SNX6: variants seen among roughly 807,000 people sequenced by gnomAD.
The protein encoded by SNX6 is sorting nexin 6, also known as sorting nexin-6.
SNX6 carries 34 observed loss-of-function variants against 63.0 expected under a neutral mutation model. The observed-to-expected ratio is 0.54, with a 90% confidence interval of 0.41 to 0.72. SNX6 has a LOEUF of 0.72. Ranked by LOEUF, SNX6 falls within the 30% of genes least tolerant of loss-of-function variation. The pLI is 0.00. For missense variants in SNX6, 398 were observed against 471.4 expected (o/e 0.84, Z 1.44); for synonymous variants, 170 against 164.2 (o/e 1.04, Z -0.27).
At chr14:34,585,111 C>CA (rs1373601751) in intron 9 of SNX6, among the ~76,000 whole-genome samples, 1 of 152,186 alleles carries the variant, frequency 6.6e-6, no homozygotes, top group Non-Finnish European at 1.5e-5. Flanking sequence ...CTCGGCCTCT[C>CA]AAAGTGCTGA....
In SNX6 at chr14:34,629,965, G is replaced by C; in HGVS notation, c.7-11C>G. 2.0e-6 allele frequency: 3 copies of C among 1,534,248 alleles called. No homozygotes were observed. The highest frequency in any genetic ancestry group is 2.6e-6 in the Non-Finnish European group (3 of 1,142,538). The stretch of plus-strand genomic sequence containing the variant: ...GTCGTCCAGGCCTTCCTGTGGGGTC[G>C]GCGGGCACGGCGCGCCGGGGAAAAG... On this transcript the variant is annotated splice_polypyrimidine_tract_variant and intron_variant, in intron 1 of 13. Coordinates refer to ENST00000362031, the MANE Select transcript of SNX6 (RefSeq NM_152233.4).
chr14:34,623,058 A>G (rs1883686457), intron 2 of SNX6, among the ~76,000 whole-genome samples: 1 of 152,166 alleles, frequency 6.6e-6, no homozygotes, highest in African/African-American at 2.4e-5. Flanking sequence ...TTATAACTCT[A>G]TCTCCTTCAC....
At chr14:34,568,945 G>A (rs1260536314) in intron 11 of SNX6, 9 of 1,348,272 alleles carry the variant, frequency 6.7e-6, no homozygotes, top group South Asian at 3.5e-5. Context: ...CAGGTGCCAC[G>A]CTGTGGAAGC....
chr14:34,577,672 T>A (rs761344524), intron 10 of SNX6, among the ~76,000 whole-genome samples: 1 of 152,056 alleles, frequency 6.6e-6, no homozygotes, highest in African/African-American at 2.4e-5. Flanking sequence ...CCAAATGCAA[T>A]ATATGGGACC....
chr14:34,608,645 G>A (rs1378250974), intron 3 of SNX6, among the ~76,000 whole-genome samples: 1 of 152,088 alleles, frequency 6.6e-6, no homozygotes, highest in Non-Finnish European at 1.5e-5. Flanking sequence ...TAAAAGTTAT[G>A]TCATTAATAT....
At chr14:34,568,580 C>CTAG (rs2138262206) in intron 11 of SNX6, 1 of 599,116 alleles carries the variant, frequency 1.7e-6, no homozygotes, top group Non-Finnish European at 3.0e-6. Flanking sequence ...AAAGTGATCC[C>CTAG]CCTATTTCAG....
At position 34,605,683 on chromosome 14, in the gene SNX6, G is replaced by A; in HGVS notation, c.305C>T (p.Ala102Val). 1 of 1,610,038 alleles carries A rather than the reference G, an allele frequency of 6.2e-7. No homozygotes were observed. Among genetic ancestry groups the A allele is most frequent in the Non-Finnish European group, 8.5e-7 (1 of 1,178,648 alleles). The change falls in exon 5 of 14, where the codon GCT becomes GTT. Residue 102 changes from alanine to valine, a missense_variant. Transcript: ENST00000362031. Reference sequence around the variant, plus strand: ...AAGCTTCTGTAGTTTTTCCCTTGAAGCATCAAAATCAGGTCTTGGTGGTGC... The same window carrying A: ...AAGCTTCTGTAGTTTTTCCCTTGAAACATCAAAATCAGGTCTTGGTGGTGC... ...PPAPPRPDFD[A>V]SREKLQKLGE...
chr14:34,581,682 A>G (rs1881941728), intron 9 of SNX6, 82 bp from the exon 10 acceptor site: 1 of 801,726 alleles, frequency 1.2e-6, no homozygotes. Context: ...CTCCCAAACC[A>G]TATTAATAAC....
intron 8 of SNX6, among the ~76,000 whole-genome samples, chr14:34,587,260 C>T (rs554685424): frequency 5.3e-5 from 8 of 151,664 alleles, no homozygotes; most frequent in South Asian, 2.1e-4. Flanking sequence ...TGGCCGGGCA[C>T]GGTGGCTCAT....
intron 2 of SNX6, among the ~76,000 whole-genome samples, chr14:34,624,979 G>A (rs534120852): frequency 2.6e-5 from 4 of 151,972 alleles, no homozygotes; most frequent in South Asian, 2.1e-4. Context: ...GCAATGGCAC[G>A]CTCTCAGCTC....
intron 10 of SNX6, among the ~76,000 whole-genome samples, chr14:34,579,842 AAG>A (rs1881866606): frequency 5.3e-5 from 8 of 151,690 alleles, no homozygotes. Flanking sequence ...AAAAAAAAGA[AAG>A]AAAAATAATA....
At chr14:34,627,172 C>T (rs1883859142) in intron 2 of SNX6, among the ~76,000 whole-genome samples, 1 of 152,140 alleles carries the variant, frequency 6.6e-6, no homozygotes, top group Non-Finnish European at 1.5e-5. Flanking sequence ...GTTGGCCAGG[C>T]GCGGTGGCTC....
chr14:34,614,875 A>G (rs1423035010), intron 2 of SNX6, among the ~76,000 whole-genome samples: 1 of 152,198 alleles, frequency 6.6e-6, no homozygotes, highest in African/African-American at 2.4e-5. Context: ...ACTGCACTCC[A>G]GTCTCGTAAG....
intron 2 of SNX6, among the ~76,000 whole-genome samples, chr14:34,624,578 A>G (rs71420001): frequency 1.4e-5 from 2 of 145,836 alleles, no homozygotes; most frequent in South Asian, 2.2e-4. Context: ...AGGGTGGATC[A>G]TGAAGTCAAG....
intron 7 of SNX6, among the ~76,000 whole-genome samples, chr14:34,596,346 C>T (rs539584433): frequency 1.3e-4 from 19 of 151,654 alleles, no homozygotes; most frequent in African/African-American, 2.9e-4. Context: ...TCTGGCTGGG[C>T]GCAGTGGTTC....
At chr14:34,566,665 A>G (rs2138257147) in intron 13 of SNX6, among the ~76,000 whole-genome samples, 1 of 152,336 alleles carries the variant, frequency 6.6e-6, no homozygotes, top group African/African-American at 2.4e-5. Flanking sequence ...TAATCTTTAA[A>G]ATCCCTCTCA....
intron 5 of SNX6, among the ~76,000 whole-genome samples, chr14:34,605,107 A>G (rs751559586): frequency 3.8e-4 from 58 of 152,192 alleles, no homozygotes; most frequent in Middle Eastern, 3.2e-3. Context: ...ATACATACGC[A>G]GTTTTTAAGA....
In SNX6 at chr14:34,576,024, C is replaced by T. The variant is rs555465604; in HGVS notation, c.835-182G>A. ...CTGCAAGCTCCGCCTCCTGGGTTCA[C>T]GCCATTCTCCTGCCTCAGCCTCCCG... is the stretch of plus-strand genomic sequence containing the variant. On this transcript the variant is annotated intron_variant, in intron 10 of 13. Transcript: ENST00000362031. Among the ~76,000 whole-genome samples, 65 of 150,856 alleles carry T rather than the reference C, an allele frequency of 4.3e-4. No homozygotes were observed. The East Asian group carries it at 0.01, about 24-fold the overall frequency.
At chr14:34,629,466 T>C (rs1883953349) in intron 2 of SNX6, 1 of 468,340 alleles carries the variant, frequency 2.1e-6, no homozygotes, top group South Asian at 1.5e-5. Flanking sequence ...ACCTGTACTA[T>C]TTGAGAGAGA....
Sources: allele counts gnomAD v4.1 joint callset (sites outside exome capture counted in the v4.1 genomes callset), GRCh38; gene constraint gnomAD v4.1.1; transcripts MANE v1.5; gene names NCBI Gene and HGNC (gene_info 2026-07-23, HGNC 2026-07-21).